POLD3: variants seen among roughly 807,000 people sequenced by gnomAD.
POLD3 encodes the protein DNA polymerase delta subunit 3.
A neutral mutation model predicts 58.2 loss-of-function variants in POLD3; 19 were observed. The ratio of observed to expected loss-of-function variants is 0.33; its 90% confidence interval spans 0.23 to 0.48. The LOEUF (loss-of-function observed/expected upper bound fraction) is 0.48. Among genes scored for constraint, POLD3 ranks in the 20% least tolerant of loss-of-function variants. The probability of loss-of-function intolerance (pLI) is 0.99; values close to 1 mark genes in which losing one functional copy is unlikely to be tolerated. For missense variants in POLD3, 504 were observed against 545.5 expected (o/e 0.92, Z 0.76); for synonymous variants, 172 against 193.5 (o/e 0.89, Z 0.92).
intron 7 of POLD3, among the ~76,000 whole-genome samples, chr11:74,623,493 TGAG>T (rs1263182889): frequency 6.6e-6 from 1 of 152,022 alleles, no homozygotes; most frequent in Non-Finnish European, 1.5e-5. Context: ...GGACTGGGGT[TGAG>T]GAGGAATGCT....
Position 74,642,582 on chromosome 11 carries a change from C to T in POLD3, c.*1816C>T. ...CATCTTGCAAGGGATAATACAAATC[C>T]TATGATCTCTATGCCCAATATGCTG... On this transcript the variant is annotated 3_prime_UTR_variant, in exon 12 of 12. Transcript: ENST00000263681. 4 of 985,058 alleles carry T rather than the reference C, an allele frequency of 4.1e-6. No homozygotes were observed. Among genetic ancestry groups the T allele is most frequent in the Non-Finnish European group, 4.8e-6 (4 of 829,792 alleles). The allele number at this position is 985,058 out of a possible 1,614,324, so 61.0% of individuals were successfully genotyped here.
chr11:74,652,006 A>G (rs2135193834), intron 4 of POLD3, among the ~76,000 whole-genome samples: 1 of 152,310 alleles, frequency 6.6e-6, no homozygotes, highest in East Asian at 1.9e-4. Flanking sequence ...CCCAGGGATG[A>G]TAGGTAACTT....
intron 4 of POLD3, among the ~76,000 whole-genome samples, chr11:74,667,069 A>G (rs1172378722): frequency 1.3e-5 from 2 of 152,200 alleles, no homozygotes; most frequent in East Asian, 3.8e-4. Context: ...GCACAGGAAT[A>G]AAGTTAGGCC....
rs745926241 is a variant in POLD3, at chr11:74,618,756, C to A, written c.612C>A (p.Thr204=). The change falls in exon 6 of 12, where the codon ACC becomes ACA. Residue 204 remains threonine (T), a synonymous_variant. Coordinates refer to ENST00000263681, the MANE Select transcript of POLD3 (RefSeq NM_006591.3). ...TTGCCTCCAAAGCTGCTGCTAAAAC[C>A]CAAGAAACCAACAAGGAAACGAAAA... ...GMFASKAAAK[T]QETNKETKTE... The A allele has an allele frequency of 5.6e-6, 9 of 1,613,790 alleles. No individual in the cohort carries two copies. The South Asian group carries it at 8.8e-5, about 16-fold the overall frequency.
chr11:74,661,433 A>G (rs1043129391), intron 4 of POLD3, among the ~76,000 whole-genome samples: 2 of 152,234 alleles, frequency 1.3e-5, no homozygotes, highest in Non-Finnish European at 2.9e-5. Context: ...CAAGCCCAGT[A>G]ACACTATGAT....
chr11:74,627,914 T>C (rs1204112548), intron 8 of POLD3, among the ~76,000 whole-genome samples: 1 of 152,198 alleles, frequency 6.6e-6, no homozygotes, highest in Non-Finnish European at 1.5e-5. Context: ...GGGAGAAGTT[T>C]CCTCTGTTTT....
intron 4 of POLD3, among the ~76,000 whole-genome samples, chr11:74,660,162 C>T (rs896313354): frequency 5.9e-5 from 9 of 152,152 alleles, no homozygotes; most frequent in Admixed American, 1.3e-4. Context: ...CCCTGATAAA[C>T]CCATCAGATC....
rs923763303 is a variant in POLD3, at chr11:74,642,210, G to T, written c.*1444G>T. 1.0e-6 allele frequency: 1 copy of T among 985,352 alleles called. No individual in the cohort carries two copies. Among genetic ancestry groups the T allele is most frequent in the Non-Finnish European group, 1.2e-6 (1 of 829,956 alleles). The allele number at this position is 985,352 out of a possible 1,614,324, so 61.0% of individuals were successfully genotyped here. A position where few individuals can be genotyped will look rare whatever the true frequency, so the allele number is the denominator to read the frequency against. On this transcript the variant is annotated 3_prime_UTR_variant, in exon 12 of 12. Transcript: ENST00000263681. Reference sequence around the variant, plus strand: ...TTCTTTAGCAACCAAGCATGAACTTGATTAAGACCAGAAGTTTGGGAGATG... The same window carrying T: ...TTCTTTAGCAACCAAGCATGAACTTTATTAAGACCAGAAGTTTGGGAGATG...
At chr11:74,619,922 G>A (rs542271630) in intron 6 of POLD3, 95 bp from the exon 7 acceptor site, 62 of 912,690 alleles carry the variant, frequency 6.8e-5, no homozygotes, top group Non-Finnish European at 6.9e-5. Flanking sequence ...CTATACCATC[G>A]CAACAGTTTG....
intron 9 of POLD3, among the ~76,000 whole-genome samples, chr11:74,632,376 A>G (rs1451206561): frequency 6.6e-6 from 1 of 152,220 alleles, no homozygotes; most frequent in East Asian, 1.9e-4. Context: ...CAGATTGGCT[A>G]CAAATCTGTT....
chr11:74,642,091 T>G lies in POLD3; in HGVS notation c.*1325T>G, dbSNP rs1671612316. 4.1e-5 allele frequency: 40 copies of G among 985,322 alleles called. No individual in the cohort carries two copies. Among genetic ancestry groups the G allele is most frequent in the Non-Finnish European group, 4.3e-5 (36 of 829,958 alleles). The allele number at this position is 985,322 out of a possible 1,614,324, so 61.0% of individuals were successfully genotyped here. ...GCAGACAAGGGGTGTCTGACTGGCT[T>G]CTTTTGCCTCAAGATGGTGTATGTC... On this transcript the variant is annotated 3_prime_UTR_variant, in exon 12 of 12. Transcript: ENST00000263681.
At chr11:74,627,310 A>T (rs57796856) in intron 8 of POLD3, among the ~76,000 whole-genome samples, 60,138 of 151,966 alleles carry the variant, frequency 0.4, 13,485 homozygotes, top group Non-Finnish European at 0.51. Context: ...AAAAATTTTT[A>T]AAATAGAAAA....
chr11:74,625,290 G>A (rs1252430721), intron 7 of POLD3, 118 bp from the exon 8 acceptor site: 56 of 703,404 alleles, frequency 8.0e-5, no homozygotes, highest in Non-Finnish European at 1.3e-4. Flanking sequence ...AATAGTCCAT[G>A]AGCTCCTTTT....
intron 4 of POLD3, among the ~76,000 whole-genome samples, chr11:74,661,932 C>T (rs543283504): frequency 6.6e-6 from 1 of 152,354 alleles, no homozygotes; most frequent in South Asian, 2.1e-4. Flanking sequence ...CCTTCCCTTT[C>T]CACAGGCCGA....
chr11:74,611,481 AGT>A lies in POLD3; in HGVS notation c.220-15_220-14del. ...AGATTCTTACATTAAGCACTAATAA[AGT>A]GTTATTTTCTTACAGTGCCACAAGG... On this transcript the variant is annotated splice_polypyrimidine_tract_variant and intron_variant, in intron 3 of 11. Transcript: ENST00000263681. 4.7e-6 allele frequency: 7 copies of A among 1,480,560 alleles called. No individual in the cohort carries two copies. The highest frequency in any genetic ancestry group is 6.6e-6 in the Non-Finnish European group (7 of 1,067,500). 91.7% of individuals were successfully genotyped at this position (1,480,560 alleles called of 1,614,324 possible). A position where few individuals can be genotyped will look rare whatever the true frequency, so the allele number is the denominator to read the frequency against.
intron 4 of POLD3, among the ~76,000 whole-genome samples, chr11:74,667,771 C>T (rs1388629036): frequency 1.3e-5 from 2 of 152,096 alleles, no homozygotes; most frequent in African/African-American, 2.4e-5. Flanking sequence ...TCTCAAAAAA[C>T]GAAAAGACAA....
chr11:74,593,976 G>A (rs971578926), intron 1 of POLD3, 85 bp from the exon 2 acceptor site: 8 of 737,770 alleles, frequency 1.1e-5, no homozygotes, highest in Non-Finnish European at 1.7e-5. Flanking sequence ...TCTAAGAATA[G>A]GAATCTTTAG....
At chr11:74,593,180 GGT>G (rs1197510662) in intron 1 of POLD3, 2 of 379,078 alleles carry the variant, frequency 5.3e-6, no homozygotes, top group Non-Finnish European at 7.4e-6. Flanking sequence ...GCTTCACACG[GGT>G]GAGGAAAAGA....
chr11:74,592,803 G>A (rs1410646326), intron 1 of POLD3, 85 bp downstream of exon 1: 8 of 1,574,926 alleles, frequency 5.1e-6, no homozygotes, highest in Non-Finnish European at 6.9e-6. Flanking sequence ...CCCTCTGTCT[G>A]CTTGTGGCTT....
Sources: gnomAD v4.1 joint callset for allele counts (sites outside exome capture counted in the v4.1 genomes callset) on GRCh38, gnomAD v4.1.1 for gene constraint, MANE v1.5 for transcripts, NCBI Gene and HGNC (gene_info 2026-07-23, HGNC 2026-07-21) for gene names.